Variants in MBNL1 observed in about 807,000 individuals in gnomAD.
MBNL1 encodes muscleblind like splicing regulator 1.
MBNL1 carries 8 observed loss-of-function variants against 42.2 expected under a neutral mutation model. The observed-to-expected ratio is 0.19, with a 90% CI of 0.11 to 0.34. The LOEUF is 0.34. Among genes scored for constraint, MBNL1 ranks in the 10% least tolerant of loss-of-function variants. The pLI is 1.00. For synonymous variants in MBNL1, 169 were observed against 173.9 expected (o/e 0.97, Z 0.22); for missense variants, 309 against 495.3 (o/e 0.62, Z 3.57).
intron 3 of MBNL1, among the ~76,000 whole-genome samples, chr3:152,425,221 AAAC>A (rs2098900516): frequency 6.6e-6 from 1 of 152,060 alleles, no homozygotes; most frequent in African/African-American, 2.4e-5. Flanking sequence ...AGAAAAAAAA[AAAC>A]ATCAACAAGT....
At chr3:152,390,773 A>C (rs17370519) in intron 2 of MBNL1, among the ~76,000 whole-genome samples, 18,698 of 152,180 alleles carry the variant, frequency 0.12, 1,296 homozygotes, top group Middle Eastern at 0.18. Flanking sequence ...TTAATGGACT[A>C]GGATACTTGA....
At chr3:152,339,095 A>G (rs76702968) in intron 2 of MBNL1, among the ~76,000 whole-genome samples, 17 of 152,286 alleles carry the variant, frequency 1.1e-4, no homozygotes, top group Non-Finnish European at 2.2e-4. Flanking sequence ...ATATCTTCAA[A>G]TTCTTCAAGC....
chr3:152,253,940 A>G (rs2035063318), intron 2 of MBNL1, among the ~76,000 whole-genome samples: 1 of 152,142 alleles, frequency 6.6e-6, no homozygotes, highest in African/African-American at 2.4e-5. Context: ...TCTTTATCCA[A>G]TTATTTGTTA....
At chr3:152,338,867 T>C (rs1014829726) in intron 2 of MBNL1, among the ~76,000 whole-genome samples, 7 of 152,224 alleles carry the variant, frequency 4.6e-5, no homozygotes, top group African/African-American at 1.7e-4. Context: ...ACATTAGTTT[T>C]ATTTATATTA....
chr3:152,432,289 C>T (rs930585260), intron 3 of MBNL1, among the ~76,000 whole-genome samples: 1 of 152,140 alleles, frequency 6.6e-6, no homozygotes, highest in African/African-American at 2.4e-5. Context: ...CACTTGCAAC[C>T]TATTAACAGT....
At chr3:152,415,432 A>G (rs1016641181) in intron 3 of MBNL1, among the ~76,000 whole-genome samples, 6 of 152,310 alleles carry the variant, frequency 3.9e-5, no homozygotes, top group East Asian at 1.9e-4. Flanking sequence ...GGTATAGTCA[A>G]TATACATTTT....
chr3:152,447,032 TAA>T (rs1244500796), intron 5 of MBNL1, among the ~76,000 whole-genome samples: 1 of 152,192 alleles, frequency 6.6e-6, no homozygotes, highest in Non-Finnish European at 1.5e-5. Flanking sequence ...TCGGAGGACA[TAA>T]AGAGTGTATT....
At chr3:152,369,070 G>C (rs2096550727) in intron 2 of MBNL1, among the ~76,000 whole-genome samples, 1 of 152,140 alleles carries the variant, frequency 6.6e-6, no homozygotes, top group Admixed American at 6.5e-5. Flanking sequence ...GGTAAGAGAG[G>C]GCATCCTTAT....
chr3:152,268,687 G>GACCCGCTCTT (rs1559950744), upstream of MBNL1: 4 of 442,114 alleles, frequency 9.0e-6, no homozygotes, highest in African/African-American at 8.1e-5. Context: ...GGCGCCGCTG[G>GACCCGCTCTT]GCGACCGCCC....
chr3:152,299,177 T>C (rs1181919856), intron 1 of MBNL1: 3 of 152,714 alleles, frequency 2.0e-5, no homozygotes, highest in African/African-American at 7.2e-5. Flanking sequence ...GTTATCTCTC[T>C]ATCATGCATT....
chr3:152,385,647 T>C (rs1285785337), intron 2 of MBNL1, among the ~76,000 whole-genome samples: 1 of 152,072 alleles, frequency 6.6e-6, no homozygotes, highest in African/African-American at 2.4e-5. Flanking sequence ...TTATGCATAA[T>C]AAATCAAGAC....
At chr3:152,339,417 C>T (rs1050978688) in intron 2 of MBNL1, among the ~76,000 whole-genome samples, 1 of 152,032 alleles carries the variant, frequency 6.6e-6, no homozygotes, top group African/African-American at 2.4e-5. Flanking sequence ...GTTAACAATA[C>T]AAAACACCTC....
chr3:152,313,926 A>G (rs2152141042), intron 2 of MBNL1, among the ~76,000 whole-genome samples: 1 of 152,372 alleles, frequency 6.6e-6, no homozygotes, highest in Non-Finnish European at 1.5e-5. Context: ...AAATGCAGTT[A>G]AGTATGAATG....
chr3:152,377,605 CA>C (rs1200267486), intron 2 of MBNL1, among the ~76,000 whole-genome samples: 1 of 152,132 alleles, frequency 6.6e-6, no homozygotes, highest in Non-Finnish European at 1.5e-5. Flanking sequence ...TGTTCAAAGG[CA>C]AATTGTTGAT....
intron 2 of MBNL1, among the ~76,000 whole-genome samples, chr3:152,391,371 C>G (rs949881608): frequency 6.6e-6 from 1 of 152,238 alleles, no homozygotes; most frequent in African/African-American, 2.4e-5. Context: ...TGTTATGTAA[C>G]TGCTTAAACT....
At chr3:152,342,628 C>T (rs1284612503) in intron 2 of MBNL1, among the ~76,000 whole-genome samples, 1 of 151,482 alleles carries the variant, frequency 6.6e-6, no homozygotes, top group Admixed American at 6.6e-5. Flanking sequence ...AACTCGTGCT[C>T]TTTCTGGATT....
Position 152,427,314 on chromosome 3 carries a change from T to C in MBNL1, c.346-5403T>C, listed in dbSNP as rs543740731. Among the ~76,000 whole-genome samples, 9 of 152,316 alleles carry C rather than the reference T, an allele frequency of 5.9e-5. No individual in the cohort carries two copies. In the East Asian group the frequency reaches 1.3e-3, roughly 23 times the overall value. On this transcript the variant is annotated intron_variant, in intron 3 of 9. Coordinates refer to ENST00000324210, the MANE Select transcript of MBNL1 (RefSeq NM_021038.5). ...AAAGTGAAACTAAGAATGAAGGAGG[T>C]ACTCATTGATTTATCCAGTTACAAG...
At chr3:152,460,044 AG>A (rs1368122674) in intron 9 of MBNL1, among the ~76,000 whole-genome samples, 2 of 152,178 alleles carry the variant, frequency 1.3e-5, no homozygotes, top group East Asian at 3.9e-4. Context: ...GCTTGAGCCC[AG>A]GAATTTAAGA....
intron 2 of MBNL1, among the ~76,000 whole-genome samples, chr3:152,314,374 G>C (rs1577668752): frequency 6.7e-6 from 1 of 149,496 alleles, no homozygotes; most frequent in South Asian, 2.1e-4. Flanking sequence ...TTTGCTCCAA[G>C]ACTTTTTTTT....
Sources: gnomAD v4.1 joint callset for allele counts (sites outside exome capture counted in the v4.1 genomes callset) on GRCh38, gnomAD v4.1.1 for gene constraint, MANE v1.5 for transcripts, NCBI Gene and HGNC (gene_info 2026-07-23, HGNC 2026-07-21) for gene names.